The following GYPC variants were observed in gnomAD, a reference collection of about 807,000 sequenced individuals.
GYPC encodes the protein glycophorin-C.
Under a neutral mutation model 12.6 loss-of-function variants are expected in GYPC, and 14 were observed. The observed-to-expected ratio is 1.11, with a 90% CI of 0.74 to 1.74. The LOEUF (loss-of-function observed/expected upper bound fraction) is 1.74, where lower values mean the gene tolerates loss of function less well. GYPC is among the 40% of genes most tolerant of loss of function. The pLI, the probability that GYPC is intolerant of heterozygous loss-of-function variation, is 0.00. For missense variants in GYPC, 225 were observed against 172.1 expected (o/e 1.31, Z -1.72); for synonymous variants, 78 against 62.1 (o/e 1.26, Z -1.20).
chr2:126,664,385 C>T (rs971081034), intron 1 of GYPC, among the ~76,000 whole-genome samples: 3 of 151,974 alleles, frequency 2.0e-5, no homozygotes, highest in Admixed American at 6.6e-5. Context: ...GTGATGATAC[C>T]GAAACTAGCA....
Position 126,696,398 on chromosome 2 carries a change from A to G in GYPC, c.*256A>G. 2.0e-6 allele frequency: 1 copy of G among 491,320 alleles called. No homozygotes were observed. Among genetic ancestry groups the G allele is most frequent in the Non-Finnish European group, 3.7e-6 (1 of 268,748 alleles). 30.4% of individuals were successfully genotyped at this position (491,320 alleles called of 1,614,324 possible). A position where few individuals can be genotyped will look rare whatever the true frequency, so the allele number is the denominator to read the frequency against. On this transcript the variant is annotated 3_prime_UTR_variant, in exon 4 of 4. Transcript: ENST00000259254. ...CCACCTTTTGCTCCACGGAGGTGGG[A>G]GAAAATCTGGGCACATGGGGCCCCC...
At chr2:126,687,019 T>A (rs1410036465) in intron 1 of GYPC, among the ~76,000 whole-genome samples, 1 of 152,160 alleles carries the variant, frequency 6.6e-6, no homozygotes, top group East Asian at 1.9e-4. Flanking sequence ...TCAGCCAGTC[T>A]TCTCCAAAGA....
Position 126,690,316 on chromosome 2 carries a change from G to C in GYPC, c.106+5G>C. On this transcript the variant is annotated splice_donor_5th_base_variant and intron_variant, in intron 2 of 3. Transcript: ENST00000259254. ...TGCATACTACCACCATTGCAGGTGAGTTCTCATCACAGAGCCTCACCATAA... is the reference window on the plus strand; with the variant it reads ...TGCATACTACCACCATTGCAGGTGACTTCTCATCACAGAGCCTCACCATAA... 3 of 1,603,424 alleles carry C rather than the reference G, an allele frequency of 1.9e-6. No homozygotes were observed. The highest frequency in any genetic ancestry group is 2.6e-6 in the Non-Finnish European group (3 of 1,170,298).
chr2:126,690,752 C>A (rs1683439123), intron 2 of GYPC, among the ~76,000 whole-genome samples: 1 of 152,054 alleles, frequency 6.6e-6, no homozygotes, highest in South Asian at 2.1e-4. Context: ...CCCCAACCCT[C>A]CATCCTCAAG....
rs1683278318 is a variant in GYPC, at chr2:126,685,977, T to C, written c.50-4278T>C. 1.7e-5 allele frequency: 17 copies of C among 985,406 alleles called. No homozygotes were observed. In the South Asian group the frequency reaches 7.5e-4, roughly 44 times the overall value. 61.0% of individuals were successfully genotyped at this position (985,406 alleles called of 1,614,324 possible). On this transcript the variant is annotated intron_variant, in intron 1 of 3. Transcript: ENST00000259254. ...CTCCTTCGAGCCCTCACCCTGTGCC[T>C]GAATTCTTCCTTCTTTGCTGGGACA...
At chr2:126,686,094 A>G (rs1020062106) in intron 1 of GYPC, 12 of 985,114 alleles carry the variant, frequency 1.2e-5, no homozygotes, top group Non-Finnish European at 1.4e-5. Flanking sequence ...AAATGTAAAG[A>G]CCAGCCCACG....
chr2:126,688,675 A>G lies in GYPC; in HGVS notation c.50-1580A>G, dbSNP rs138277606. On this transcript the variant is annotated intron_variant, in intron 1 of 3. Coordinates refer to ENST00000259254, the MANE Select transcript of GYPC (RefSeq NM_002101.5). ...TGTATTATCTTCTTCCCCACCTCCA[A>G]GCTCCTTGGTGGCCCCAGACACCAC... 2.0e-5 allele frequency among the ~76,000 whole-genome samples: 3 copies of G among 152,072 alleles called. No homozygotes were observed. The East Asian group carries it at 5.8e-4, about 29-fold the overall frequency.
At chr2:126,672,467 C>A (rs968955831) in intron 1 of GYPC, among the ~76,000 whole-genome samples, 9 of 152,174 alleles carry the variant, frequency 5.9e-5, no homozygotes, top group African/African-American at 2.2e-4. Flanking sequence ...GCTTTCAGAG[C>A]CTGTCTGAAA....
chr2:126,693,778 G>C (rs1180238435), intron 2 of GYPC, 86 bp from the exon 3 acceptor site: 7 of 902,126 alleles, frequency 7.8e-6, no homozygotes, highest in Non-Finnish European at 9.4e-6. Context: ...GCTCACACCT[G>C]AGCAAAGGAT....
chr2:126,671,649 C>T (rs978250383), intron 1 of GYPC, among the ~76,000 whole-genome samples: 4 of 152,232 alleles, frequency 2.6e-5, no homozygotes, highest in Non-Finnish European at 4.4e-5. Flanking sequence ...CTAGCACACA[C>T]GTGGCCTGGG....
intron 1 of GYPC, among the ~76,000 whole-genome samples, chr2:126,682,544 T>C (rs960120303): frequency 9.2e-5 from 14 of 152,158 alleles, no homozygotes; most frequent in Admixed American, 7.9e-4. Context: ...TCAGATGGTA[T>C]CTCCCGCTTC....
At chr2:126,679,726 T>A (rs1027560551) in intron 1 of GYPC, 3 of 151,966 alleles carry the variant, frequency 2.0e-5, no homozygotes, top group African/African-American at 7.3e-5. Flanking sequence ...AACACAAAAT[T>A]TGCCAGGTGT....
intron 1 of GYPC, among the ~76,000 whole-genome samples, chr2:126,688,953 G>T (rs28647563): frequency 6.7e-4 from 102 of 152,016 alleles, no homozygotes; most frequent in South Asian, 6.4e-3. Flanking sequence ...CTATGTTAAT[G>T]CTGATATTTC....
chr2:126,670,154 C>T (rs369748506), intron 1 of GYPC, among the ~76,000 whole-genome samples: 2 of 152,352 alleles, frequency 1.3e-5, no homozygotes, highest in Admixed American at 6.5e-5. Flanking sequence ...CATGATGTCT[C>T]CTTCTGAGAC....
In GYPC at chr2:126,672,919, G is replaced by A. The variant is rs185534006; in HGVS notation, c.49+16607G>A. On this transcript the variant is annotated intron_variant, in intron 1 of 3. Transcript: ENST00000259254. Reference sequence around the variant, plus strand: ...ATCAGAGAGGCAGAGAGAACAGCTCGGCCTCACACAGCTCAGGCTAGAACC... The same window carrying A: ...ATCAGAGAGGCAGAGAGAACAGCTCAGCCTCACACAGCTCAGGCTAGAACC... Among the ~76,000 whole-genome samples, 745 of 152,114 alleles carry A rather than the reference G, an allele frequency of 4.9e-3. 8 individuals are homozygous for A. Among genetic ancestry groups the A allele is most frequent in the Admixed American group, 0.011 (170 of 15,274 alleles).
chr2:126,666,575 TG>T (rs1012062801), intron 1 of GYPC, among the ~76,000 whole-genome samples: 5 of 152,178 alleles, frequency 3.3e-5, no homozygotes, highest in Non-Finnish European at 2.9e-5. Context: ...CTGTCTCCTT[TG>T]TGAGTGTACT....
At chr2:126,674,727 G>C (rs1272601453) in intron 1 of GYPC, among the ~76,000 whole-genome samples, 2 of 152,160 alleles carry the variant, frequency 1.3e-5, no homozygotes, top group Non-Finnish European at 1.5e-5. Flanking sequence ...GGTGCCGAAA[G>C]CCCAAGCACC....
At chr2:126,686,308 C>T in intron 1 of GYPC, 2 of 985,714 alleles carry the variant, frequency 2.0e-6, no homozygotes, top group Non-Finnish European at 1.2e-6. Flanking sequence ...CTCAAGCTGC[C>T]AACTGAAGCA....
At chr2:126,684,758 A>T (rs2104798218) in intron 1 of GYPC, among the ~76,000 whole-genome samples, 1 of 152,346 alleles carries the variant, frequency 6.6e-6, no homozygotes, top group South Asian at 2.1e-4. Context: ...AATTATGAGC[A>T]TCCCCATTGC....
Sources: allele counts gnomAD v4.1 joint callset (sites outside exome capture counted in the v4.1 genomes callset), GRCh38; gene constraint gnomAD v4.1.1; transcripts MANE v1.5; gene names NCBI Gene and HGNC (gene_info 2026-07-23, HGNC 2026-07-21).